TMEM71: variants seen among roughly 807,000 people sequenced by gnomAD.
The protein encoded by TMEM71 is transmembrane protein 71.
In TMEM71, 44 loss-of-function variants were observed where a neutral mutation model predicts 38.0. The observed-to-expected ratio is 1.16, with a 90% CI of 0.91 to 1.49. The LOEUF is 1.49. Ranked by LOEUF, TMEM71 falls within the 40% of genes most tolerant of loss-of-function variation. The probability of loss-of-function intolerance (pLI) is 0.00; values close to 1 mark genes in which losing one functional copy is unlikely to be tolerated. For missense variants in TMEM71, 367 were observed against 348.6 expected (o/e 1.05, Z -0.42); for synonymous variants, 133 against 122.5 (o/e 1.09, Z -0.56).
At chr8:132,753,742 C>T (rs1301433934) in intron 3 of TMEM71, among the ~76,000 whole-genome samples, 1 of 152,160 alleles carries the variant, frequency 6.6e-6, no homozygotes, top group Non-Finnish European at 1.5e-5. Context: ...GCCTCTCAGA[C>T]TGTTTCCTTA....
the TMEM71 span, among the ~76,000 whole-genome samples, chr8:132,771,981 C>T: frequency 6.6e-6 from 1 of 152,128 alleles, no homozygotes; most frequent in Admixed American, 6.5e-5. Context: ...TTTTTATGCA[C>T]ATGGAATGAA....
At chr8:132,770,624 T>G in the TMEM71 span, among the ~76,000 whole-genome samples, 2 of 152,244 alleles carry the variant, frequency 1.3e-5, no homozygotes, top group African/African-American at 4.8e-5. Flanking sequence ...GATGTTATAA[T>G]TTTTCACTGA....
chr8:132,743,940 C>G (rs2131140974), intron 5 of TMEM71, among the ~76,000 whole-genome samples: 1 of 152,306 alleles, frequency 6.6e-6, no homozygotes, highest in East Asian at 1.9e-4. Flanking sequence ...CTCTCATTGT[C>G]TAGCACTGAT....
chr8:132,727,683 C>T, intron 6 of TMEM71, 115 bp downstream of exon 6: 1 of 892,778 alleles, frequency 1.1e-6, no homozygotes, highest in Non-Finnish European at 1.7e-6. Flanking sequence ...TCCTCCCTTC[C>T]TCGCACAGGT....
intron 7 of TMEM71, among the ~76,000 whole-genome samples, chr8:132,718,043 TCA>T (rs1173484799): frequency 6.6e-6 from 1 of 152,164 alleles, no homozygotes; most frequent in Non-Finnish European, 1.5e-5. Context: ...ATAGACAAAT[TCA>T]CAGAGACAGA....
At chr8:132,775,880 T>C in the TMEM71 span, among the ~76,000 whole-genome samples, 1 of 152,174 alleles carries the variant, frequency 6.6e-6, no homozygotes, top group African/African-American at 2.4e-5. Context: ...CTGCCAGCCC[T>C]GTCAGCCTTT....
intron 5 of TMEM71, among the ~76,000 whole-genome samples, chr8:132,732,920 T>C (rs899489495): frequency 2.0e-5 from 3 of 152,128 alleles, no homozygotes; most frequent in Non-Finnish European, 4.4e-5. Flanking sequence ...ACTGTGATGC[T>C]GAGGCTGAGA....
the TMEM71 span, among the ~76,000 whole-genome samples, chr8:132,771,466 C>A: frequency 6.6e-6 from 1 of 151,972 alleles, no homozygotes; most frequent in Non-Finnish European, 1.5e-5. Context: ...ATCATTATTG[C>A]CAAGCCTAAA....
At chr8:132,714,327 A>G (rs562061797) in intron 7 of TMEM71, 112 bp from the exon 8 acceptor site, 34 of 810,376 alleles carry the variant, frequency 4.2e-5, no homozygotes, top group Middle Eastern at 3.7e-4. Context: ...ATGAAACTAC[A>G]GTAATAAAGA....
chr8:132,714,646 T>A (rs1002433145), intron 7 of TMEM71, among the ~76,000 whole-genome samples: 10 of 152,196 alleles, frequency 6.6e-5, no homozygotes, highest in Admixed American at 6.5e-4. Flanking sequence ...TGACCTTGCA[T>A]TTGGCAATGA....
At chr8:132,721,620 C>A (rs1826853474) in intron 7 of TMEM71, among the ~76,000 whole-genome samples, 3 of 149,744 alleles carry the variant, frequency 2.0e-5, no homozygotes, top group Non-Finnish European at 4.4e-5. Flanking sequence ...GATCTCAGCT[C>A]ACTGCAACCT....
chr8:132,748,897 G>A (rs577103039), intron 4 of TMEM71, among the ~76,000 whole-genome samples: 1 of 152,200 alleles, frequency 6.6e-6, no homozygotes, highest in East Asian at 1.9e-4. Flanking sequence ...TGTGAGCTTG[G>A]GAAAATTACT....
chr8:132,770,918 CA>C, the TMEM71 span, among the ~76,000 whole-genome samples: 1 of 152,158 alleles, frequency 6.6e-6, no homozygotes, highest in Non-Finnish European at 1.5e-5. Context: ...CTTGTTAAAA[CA>C]GTGCCCCTGA....
At chr8:132,748,426 C>T (rs1828511810) in intron 4 of TMEM71, among the ~76,000 whole-genome samples, 1 of 152,200 alleles carries the variant, frequency 6.6e-6, no homozygotes, top group Non-Finnish European at 1.5e-5. Context: ...CTACAATGCA[C>T]AGGGCAGTTG....
intron 5 of TMEM71, among the ~76,000 whole-genome samples, chr8:132,741,187 AC>A (rs1828014012): frequency 1.3e-5 from 2 of 152,054 alleles, no homozygotes; most frequent in South Asian, 4.1e-4. Flanking sequence ...ACATGGTGAA[AC>A]CCTGTCTCTA....
chr8:132,734,773 A>G (rs1827653000), intron 5 of TMEM71, among the ~76,000 whole-genome samples: 1 of 152,218 alleles, frequency 6.6e-6, no homozygotes, highest in Admixed American at 6.5e-5. Flanking sequence ...TTATAAGGCA[A>G]AAAATATTTT....
intron 5 of TMEM71, among the ~76,000 whole-genome samples, chr8:132,746,388 CATATAT>C (rs1167586608): frequency 1.1e-4 from 2 of 18,650 alleles, no homozygotes; most frequent in Non-Finnish European, 1.5e-4. Flanking sequence ...TATATATATA[CATATAT>C]ATATACATAT....
chr8:132,748,686 A>G (rs1425249551), intron 4 of TMEM71, among the ~76,000 whole-genome samples: 1 of 152,262 alleles, frequency 6.6e-6, no homozygotes, highest in Non-Finnish European at 1.5e-5. Flanking sequence ...TATCATATTC[A>G]TTAATTCACT....
intron 6 of TMEM71, among the ~76,000 whole-genome samples, chr8:132,727,406 G>A (rs952780991): frequency 2.0e-4 from 31 of 151,820 alleles, no homozygotes; most frequent in African/African-American, 5.3e-4. Context: ...ATAGGCACCC[G>A]CCACCATGCC....
Sources: gnomAD v4.1 joint callset for allele counts (sites outside exome capture counted in the v4.1 genomes callset) on GRCh38, gnomAD v4.1.1 for gene constraint, MANE v1.5 for transcripts, NCBI Gene and HGNC (gene_info 2026-07-23, HGNC 2026-07-21) for gene names.